Variants in SNX9 observed in about 807,000 individuals in gnomAD.
The protein encoded by SNX9 is sorting nexin-9.
In SNX9, 44 loss-of-function variants were observed where a neutral mutation model predicts 89.4. The ratio of observed to expected loss-of-function variants is 0.49; its 90% CI spans 0.39 to 0.63. The LOEUF is 0.63. SNX9 is among the 30% of genes least tolerant of loss of function. The pLI, the probability that SNX9 is intolerant of heterozygous loss-of-function variation, is 0.00. For synonymous variants in SNX9, 236 were observed against 247.8 expected (o/e 0.95, Z 0.45); for missense variants, 578 against 736.1 (o/e 0.79, Z 2.49).
chr6:157,909,089 A>G (rs771200953), intron 7 of SNX9, among the ~76,000 whole-genome samples: 1 of 152,128 alleles, frequency 6.6e-6, no homozygotes, highest in Non-Finnish European at 1.5e-5. Flanking sequence ...AACAATGACT[A>G]TCAGGCTCTG....
Position 157,902,062 on chromosome 6 carries a change from G to C in SNX9, c.620+17G>C. 1 of 1,612,024 alleles carries C rather than the reference G, an allele frequency of 6.2e-7. No homozygotes were observed. The highest frequency in any genetic ancestry group is 8.5e-7 in the Non-Finnish European group (1 of 1,179,214). Reference sequence around the variant, plus strand: ...CCTTAACAAGTAAGTTTAAAGGGGAGCCAGGGAACCAGGGCCGTGGTAGAA... The same window carrying C: ...CCTTAACAAGTAAGTTTAAAGGGGACCCAGGGAACCAGGGCCGTGGTAGAA... On this transcript the variant is annotated intron_variant, in intron 6 of 17. Coordinates refer to ENST00000392185, the MANE Select transcript of SNX9 (RefSeq NM_016224.5).
chr6:157,914,194 G>A (rs1406155070), intron 9 of SNX9, among the ~76,000 whole-genome samples: 10 of 152,108 alleles, frequency 6.6e-5, no homozygotes, highest in Admixed American at 6.5e-4. Context: ...AGTCCGATAG[G>A]TATGCAGTGG....
At chr6:157,910,671 C>T (rs1783320839) in intron 9 of SNX9, among the ~76,000 whole-genome samples, 1 of 152,084 alleles carries the variant, frequency 6.6e-6, no homozygotes, top group African/African-American at 2.4e-5. Flanking sequence ...GGTAAGTAAC[C>T]CATAGTGTTA....
intron 1 of SNX9, among the ~76,000 whole-genome samples, chr6:157,843,533 T>G (rs1025800220): frequency 1.3e-5 from 2 of 152,060 alleles, no homozygotes; most frequent in Non-Finnish European, 1.5e-5. Flanking sequence ...TCACATTGAG[T>G]AGGTGGAGGA....
At chr6:157,872,913 T>A (rs774048869) in intron 2 of SNX9, 189 bp from the exon 3 acceptor site, 9 of 442,684 alleles carry the variant, frequency 2.0e-5, no homozygotes, top group Non-Finnish European at 3.6e-5. Context: ...TTTCTTGTTT[T>A]TAGGTTACAT....
intron 13 of SNX9, among the ~76,000 whole-genome samples, chr6:157,933,530 C>T (rs1259723422): frequency 6.6e-6 from 1 of 152,216 alleles, no homozygotes; most frequent in Non-Finnish European, 1.5e-5. Flanking sequence ...CTGGCCTTAC[C>T]ATGTCTTACA....
chr6:157,843,501 T>TA (rs1781743022), intron 1 of SNX9, among the ~76,000 whole-genome samples: 1 of 152,232 alleles, frequency 6.6e-6, no homozygotes, highest in South Asian at 2.1e-4. Flanking sequence ...AGTAGAGCAT[T>TA]AGGCCTTCAT....
rs542222642 is a variant in SNX9, at chr6:157,943,318, A to T, written c.*480A>T. ...TTTGTATATTTTTATAACTCCTTTC[A>T]GTCCTCTGGGGCTCCTGTCATTGAG... On this transcript the variant is annotated 3_prime_UTR_variant, in exon 18 of 18. Coordinates refer to ENST00000392185, the MANE Select transcript of SNX9 (RefSeq NM_016224.5). 6.6e-6 allele frequency: 1 copy of T among 152,606 alleles called. No homozygotes were observed. Among genetic ancestry groups the T allele is most frequent in the South Asian group, 2.1e-4 (1 of 4,848 alleles). The allele number at this position is 152,606 out of a possible 1,614,324, so 9.5% of individuals were successfully genotyped here.
rs1448185658 is a variant in SNX9, at chr6:157,931,104, G to A, written c.1289-1091G>A. Among the ~76,000 whole-genome samples the A allele has an allele frequency of 3.3e-5, 5 of 152,346 alleles. No individual in the cohort carries two copies. The South Asian group carries it at 8.3e-4, about 25-fold the overall frequency. ...CGCTCTTTTGTGGGGTGGGGAAAGG[G>A]ATTGACTCAGGCATATCTCCTCCTG... On this transcript the variant is annotated intron_variant, in intron 12 of 17. Transcript: ENST00000392185.
chr6:157,928,787 C>A, intron 12 of SNX9, 85 bp downstream of exon 12: 1 of 1,019,676 alleles, frequency 9.8e-7, no homozygotes, highest in Non-Finnish European at 1.4e-6. Flanking sequence ...GGGGAACCTG[C>A]TGCCTCGAAC....
At chr6:157,881,462 C>T (rs537949569) in intron 4 of SNX9, among the ~76,000 whole-genome samples, 2 of 152,232 alleles carry the variant, frequency 1.3e-5, no homozygotes, top group South Asian at 2.1e-4. Flanking sequence ...AAGGAAGAGT[C>T]GCATTTCTCT....
Position 157,896,852 on chromosome 6 carries a change from C to A in SNX9, c.326C>A (p.Ser109Ter). ...HQVGSGNDPW[S>*]AWSASKSGNW... ...GTTGGCAGTGGCAATGACCCCTGGT[C>A]AGCCTGGAGTGCCTCCAAATCTGGG... Residue 109 changes from serine to a stop codon, truncating the protein, a stop_gained, in exon 5 of 18, where the codon TCA becomes TAA. Transcript: ENST00000392185. LOFTEE classifies it high-confidence loss of function. The A allele has an allele frequency of 6.2e-7, 1 of 1,613,042 alleles. No individual in the cohort carries two copies. The highest frequency in any genetic ancestry group is 1.1e-5 in the South Asian group (1 of 90,924).
intron 4 of SNX9, among the ~76,000 whole-genome samples, chr6:157,896,220 C>A (rs1237316172): frequency 1.3e-5 from 2 of 152,168 alleles, no homozygotes; most frequent in Non-Finnish European, 1.5e-5. Context: ...ACTAGCATCT[C>A]AGGATGTTAG....
intron 12 of SNX9, among the ~76,000 whole-genome samples, chr6:157,929,526 G>A (rs1056674731): frequency 1.3e-5 from 2 of 152,128 alleles, no homozygotes; most frequent in Admixed American, 6.5e-5. Flanking sequence ...AACCTCTAGA[G>A]AACAGGGCCT....
chr6:157,849,773 A>G (rs912065224), intron 1 of SNX9, among the ~76,000 whole-genome samples: 1 of 152,128 alleles, frequency 6.6e-6, no homozygotes, highest in African/African-American at 2.4e-5. Context: ...AGGCTGGGGA[A>G]TGCTGGAGAG....
chr6:157,930,155 C>G (rs529764297), intron 12 of SNX9, among the ~76,000 whole-genome samples: 1 of 152,336 alleles, frequency 6.6e-6, no homozygotes, highest in South Asian at 2.1e-4. Flanking sequence ...CTGCCTCTTC[C>G]TCTACTAGCA....
chr6:157,906,316 T>C, intron 7 of SNX9, 104 bp downstream of exon 7: 1 of 840,266 alleles, frequency 1.2e-6, no homozygotes. Context: ...TATTTTTAAA[T>C]ATATTTAATG....
intron 5 of SNX9, among the ~76,000 whole-genome samples, chr6:157,900,494 C>T (rs1425191179): frequency 1.3e-5 from 2 of 152,166 alleles, no homozygotes; most frequent in East Asian, 3.8e-4. Context: ...ATAATAGACA[C>T]ACACAAGATA....
intron 2 of SNX9, among the ~76,000 whole-genome samples, chr6:157,868,354 G>A (rs999600839): frequency 6.6e-6 from 1 of 152,140 alleles, no homozygotes; most frequent in Admixed American, 6.5e-5. Context: ...TGTACACATA[G>A]ATACACTCAT....
Sources: gnomAD v4.1 joint callset for allele counts (sites outside exome capture counted in the v4.1 genomes callset) on GRCh38, gnomAD v4.1.1 for gene constraint, MANE v1.5 for transcripts, NCBI Gene and HGNC (gene_info 2026-07-23, HGNC 2026-07-21) for gene names.